Variants in INTU observed in about 807,000 individuals in gnomAD.
INTU encodes inturned planar cell polarity protein.
A neutral mutation model predicts 100.5 loss-of-function variants in INTU; 68 were observed. That is an observed-to-expected ratio of 0.68 (90% CI 0.56 to 0.83). INTU has a LOEUF of 0.83. Ranked by LOEUF, INTU falls within the 40% of genes least tolerant of loss-of-function variation. INTU has a pLI of 0.00. For synonymous variants in INTU, 357 were observed against 395.7 expected, an observed-to-expected ratio of 0.90 and a Z score of 1.16; for missense variants, 1,071 against 1,114.7, an observed-to-expected ratio of 0.96 and a Z score of 0.56.
chr4:127,671,241 A>G (rs547597690), intron 5 of INTU, among the ~76,000 whole-genome samples: 2 of 152,038 alleles, frequency 1.3e-5, no homozygotes, highest in Non-Finnish European at 2.9e-5. Flanking sequence ...TCCAGAATCT[A>G]TATAAGGAAC....
At chr4:127,696,178 C>T (rs976450254) in intron 8 of INTU, among the ~76,000 whole-genome samples, 1 of 151,554 alleles carries the variant, frequency 6.6e-6, no homozygotes, top group Non-Finnish European at 1.5e-5. Context: ...ATGTCTTTGT[C>T]TGGTTTTAGT....
At position 127,669,131 on chromosome 4, in the gene INTU, C is replaced by T. The variant is rs769052353; in HGVS notation, c.1068C>T (p.Asn356=). The change falls in exon 5 of 16, where the codon AAC becomes AAT. Residue 356 remains asparagine, a synonymous_variant. Coordinates refer to ENST00000335251, the MANE Select transcript of INTU (RefSeq NM_015693.4). ...TCACACTCTGTGACATGCTGGAAAA[C>T]GTAACTGGGACACAAGTTACTAGGT... ...IFLTLCDMLE[N]VTGTQVTSSS... The T allele has an allele frequency of 5.9e-6, 9 of 1,530,056 alleles. No homozygotes were observed. Among genetic ancestry groups the T allele is most frequent in the Admixed American group, 1.8e-5 (1 of 54,820 alleles). The allele number at this position is 1,530,056 out of a possible 1,614,324, so 94.8% of individuals were successfully genotyped here. A position where few individuals can be genotyped will look rare whatever the true frequency, so the allele number is the denominator to read the frequency against.
chr4:127,677,230 C>A (rs1729254112), intron 6 of INTU, among the ~76,000 whole-genome samples: 1 of 152,216 alleles, frequency 6.6e-6, no homozygotes, highest in Non-Finnish European at 1.5e-5. Flanking sequence ...CCATGTCTGA[C>A]AGCTTTGAAG....
At chr4:127,684,657 C>T (rs1197260217) in intron 7 of INTU, among the ~76,000 whole-genome samples, 171 bp downstream of exon 7, 3 of 151,450 alleles carry the variant, frequency 2.0e-5, no homozygotes, top group African/African-American at 4.8e-5. Flanking sequence ...CTTCCTTCTC[C>T]TCCTCTTCCT....
At chr4:127,705,112 A>C (rs575576196) in intron 10 of INTU, among the ~76,000 whole-genome samples, 2 of 152,254 alleles carry the variant, frequency 1.3e-5, no homozygotes, top group South Asian at 4.2e-4. Flanking sequence ...AGTAACCTAC[A>C]TCTTTTAAAT....
rs1157498945 is a variant in INTU at position 127,669,118 on chromosome 4, A to G, written c.1055A>G (p.Asp352Gly). ...AGAGGGATTTTTCTCACACTCTGTG[A>G]CATGCTGGAAAACGTAACTGGGACA... ...SVRGIFLTLC[D>G]MLENVTGTQV... The change falls in exon 5 of 16, where the codon GAC becomes GGC. Residue 352 changes from aspartate (D) to glycine (G), a missense_variant. Coordinates refer to ENST00000335251, the MANE Select transcript of INTU (RefSeq NM_015693.4). 3.4e-5 allele frequency: 53 copies of G among 1,544,126 alleles called. No individual in the cohort carries two copies. Among genetic ancestry groups the G allele is most frequent in the Non-Finnish European group, 4.7e-5 (53 of 1,135,958 alleles).
chr4:127,704,308 G>GTCTAAA lies in INTU; in HGVS notation c.1566+20_1566+25dup, dbSNP rs1209827685. On this transcript the variant is annotated intron_variant, in intron 10 of 15. Coordinates refer to ENST00000335251, the MANE Select transcript of INTU (RefSeq NM_015693.4). Reference sequence around the variant, plus strand: ...TTTACAAGGTAAGTTGAAGCTTGAAGTCTAAATGTCCAGCTGCTGTATAAA... The same window carrying GTCTAAA: ...TTTACAAGGTAAGTTGAAGCTTGAAGTCTAAATCTAAATGTCCAGCTGCTGTATAAA... The GTCTAAA allele has an allele frequency of 4.4e-6, 7 of 1,574,506 alleles. No homozygotes were observed. Among genetic ancestry groups the GTCTAAA allele is most frequent in the Non-Finnish European group, 6.1e-6 (7 of 1,147,754 alleles).
At chr4:127,704,180 A>G in intron 9 of INTU, 48 bp from the exon 10 acceptor site, 6 of 1,486,240 alleles carry the variant, frequency 4.0e-6, no homozygotes, top group Non-Finnish European at 5.6e-6. Flanking sequence ...TGGAATTTTT[A>G]TCACAAAAAA....
chr4:127,635,702 AT>A (rs201940654), intron 1 of INTU, among the ~76,000 whole-genome samples: 1 of 152,166 alleles, frequency 6.6e-6, no homozygotes, highest in Non-Finnish European at 1.5e-5. Flanking sequence ...AACTGCACAT[AT>A]TTTTAATGTA....
intron 3 of INTU, 76 bp from the exon 4 acceptor site, chr4:127,663,305 C>A: frequency 9.5e-7 from 1 of 1,054,840 alleles, no homozygotes; most frequent in South Asian, 1.4e-5. Context: ...TATGTACATG[C>A]ACAGATCCTT....
intron 14 of INTU, among the ~76,000 whole-genome samples, chr4:127,712,767 C>G (rs1051254291): frequency 6.6e-6 from 1 of 152,172 alleles, no homozygotes; most frequent in African/African-American, 2.4e-5. Flanking sequence ...GAGCTTCCAG[C>G]AAGGGGAACA....
chr4:127,723,900 T>A lies in INTU; in HGVS notation c.*7464T>A, dbSNP rs553782243. 1 of 152,030 alleles carries A rather than the reference T, an allele frequency of 6.6e-6. No individual in the cohort carries two copies. Among genetic ancestry groups the A allele is most frequent in the South Asian group, 2.1e-4 (1 of 4,816 alleles). 9.4% of individuals were successfully genotyped at this position (152,030 alleles called of 1,614,324 possible). ...AGGTGGGAAGATCACCTGAGCTCAG[T>A]CGGTTGAGGCTGCAGTGAGCTATGA... On this transcript the variant is annotated 3_prime_UTR_variant, in exon 16 of 16. Coordinates refer to ENST00000335251, the MANE Select transcript of INTU (RefSeq NM_015693.4).
In INTU at chr4:127,706,633, G is replaced by A. The variant is rs780341050; in HGVS notation, c.1935G>A (p.Arg645=). The change falls in exon 12 of 16, where the codon CGG becomes CGA. Residue 645 remains arginine, a synonymous_variant. Coordinates refer to ENST00000335251, the MANE Select transcript of INTU (RefSeq NM_015693.4). The part of the protein sequence containing the change: ...LDGVDSRIDE[R]LASSPVPCLS... ...GAGTAGATTCTCGCATAGATGAACG[G>A]CTAGCATCTTCTCCAGTCCCCTGTT... is the stretch of plus-strand genomic sequence containing the variant. 2.5e-6 allele frequency: 4 copies of A among 1,614,072 alleles called. No homozygotes were observed. Among genetic ancestry groups the A allele is most frequent in the Non-Finnish European group, 3.4e-6 (4 of 1,179,976 alleles).
At position 127,725,613 on chromosome 4, in the gene INTU, GT is replaced by G. The variant is rs769650184; in HGVS notation, c.*9178del. The G allele has an allele frequency of 1.3e-5, 2 of 152,130 alleles. No individual in the cohort carries two copies. Among genetic ancestry groups the G allele is most frequent in the Non-Finnish European group, 2.9e-5 (2 of 68,016 alleles). The allele number at this position is 152,130 out of a possible 1,614,324, so 9.4% of individuals were successfully genotyped here. ...TTGTTTCATTTAATGAAATTTTGAT[GT>G]GTTGAACTGCTTTCCTGGTGTCAGA... On this transcript the variant is annotated 3_prime_UTR_variant, in exon 16 of 16. Coordinates refer to ENST00000335251, the MANE Select transcript of INTU (RefSeq NM_015693.4).
chr4:127,680,300 A>G (rs1729467565), intron 6 of INTU, among the ~76,000 whole-genome samples: 1 of 151,642 alleles, frequency 6.6e-6, no homozygotes, highest in African/African-American at 2.4e-5. Flanking sequence ...AGACACAACC[A>G]AAAAAGAGAA....
chr4:127,666,967 A>C (rs1379875275), intron 4 of INTU, among the ~76,000 whole-genome samples: 1 of 152,156 alleles, frequency 6.6e-6, no homozygotes, highest in Non-Finnish European at 1.5e-5. Context: ...TTACTTAGAC[A>C]CATTTTTTTT....
At chr4:127,640,454 G>A (rs116527344) in intron 1 of INTU, among the ~76,000 whole-genome samples, 2,162 of 147,084 alleles carry the variant, frequency 0.015, 31 homozygotes, top group Non-Finnish European at 0.022. Flanking sequence ...TTAAAATGAT[G>A]TATATTTAGA....
In INTU at chr4:127,687,764, A is replaced by C. The variant is rs1560864016; in HGVS notation, c.1346A>C (p.His449Pro). ...AGAGCACTTCAGCCTGCGAAACTGC[A>C]TTCCAGCGCCAGTCCCAGTGCTCAG... ...FQRALQPAKL[H>P]SSASPSAQQY... is the part of the protein sequence containing the mutation. Residue 449 changes from histidine to proline, a missense_variant, in exon 8 of 16, where the codon CAT (histidine) becomes CCT (proline). Coordinates refer to ENST00000335251, the MANE Select transcript of INTU (RefSeq NM_015693.4). 6.2e-7 allele frequency: 1 copy of C among 1,613,620 alleles called. No individual in the cohort carries two copies.
At chr4:127,638,861 A>G (rs1727187175) in intron 1 of INTU, among the ~76,000 whole-genome samples, 2 of 152,182 alleles carry the variant, frequency 1.3e-5, no homozygotes, top group South Asian at 4.1e-4. Context: ...CACAATAATT[A>G]TGCAGCTTGT....
Sources: gnomAD v4.1 joint callset for allele counts (sites outside exome capture counted in the v4.1 genomes callset) on GRCh38, gnomAD v4.1.1 for gene constraint, MANE v1.5 for transcripts, NCBI Gene and HGNC (gene_info 2026-07-23, HGNC 2026-07-21) for gene names.